CDH13: variants seen among roughly 807,000 people sequenced by gnomAD.
CDH13 encodes the protein cadherin-13.
CDH13 carries 24 observed loss-of-function variants against 63.8 expected under a neutral mutation model. The ratio of observed to expected loss-of-function variants is 0.38; its 90% CI spans 0.27 to 0.53. The LOEUF is 0.53. Ranked by LOEUF, CDH13 falls within the 20% of genes least tolerant of loss-of-function variation. The probability of loss-of-function intolerance (pLI) is 0.85; values close to 1 mark genes in which losing one functional copy is unlikely to be tolerated. For missense variants in CDH13, 1,049 were observed against 903.1 expected, an observed-to-expected ratio of 1.16 and a Z score of -2.07; for synonymous variants, 503 against 355.3, an observed-to-expected ratio of 1.42 and a Z score of -4.67.
chr16:83,207,504 T>A (rs774564774), intron 4 of CDH13, among the ~76,000 whole-genome samples: 1 of 152,194 alleles, frequency 6.6e-6, no homozygotes. Flanking sequence ...TAGGTACACA[T>A]ACACTTTTTT....
chr16:82,671,742 T>C (rs1913267953), intron 1 of CDH13, among the ~76,000 whole-genome samples: 1 of 152,200 alleles, frequency 6.6e-6, no homozygotes, highest in African/African-American at 2.4e-5. Flanking sequence ...GATCCAGATT[T>C]GGTATTCTAA....
At chr16:83,271,725 A>G (rs1017918104) in intron 5 of CDH13, among the ~76,000 whole-genome samples, 2 of 152,278 alleles carry the variant, frequency 1.3e-5, no homozygotes, top group East Asian at 3.9e-4. Flanking sequence ...CTTTCTTTGC[A>G]AAGTCTTTTA....
At chr16:83,460,693 A>C (rs1280897701) in intron 6 of CDH13, among the ~76,000 whole-genome samples, 4 of 152,204 alleles carry the variant, frequency 2.6e-5, no homozygotes, top group Non-Finnish European at 5.9e-5. Flanking sequence ...AATGAATAAT[A>C]GATTTAAAAT....
intron 1 of CDH13, among the ~76,000 whole-genome samples, chr16:82,700,561 A>G (rs2030860574): frequency 6.6e-6 from 1 of 151,482 alleles, no homozygotes; most frequent in Admixed American, 6.6e-5. Context: ...GTGTCTTTCT[A>G]TGTGTAAATG....
intron 4 of CDH13, among the ~76,000 whole-genome samples, chr16:83,202,174 G>A (rs776215171): frequency 9.9e-5 from 15 of 152,120 alleles, no homozygotes; most frequent in South Asian, 4.1e-4. Context: ...CCAGGCTTCC[G>A]AAAGAAATGA....
chr16:83,048,414 C>G (rs931824142), intron 3 of CDH13, among the ~76,000 whole-genome samples: 1 of 152,184 alleles, frequency 6.6e-6, no homozygotes, highest in Non-Finnish European at 1.5e-5. Context: ...GCTCCTGGAC[C>G]TGTGCCAACT....
At chr16:83,443,439 T>C (rs2072542366) in intron 6 of CDH13, among the ~76,000 whole-genome samples, 2 of 152,208 alleles carry the variant, frequency 1.3e-5, no homozygotes, top group Admixed American at 6.5e-5. Context: ...TATACATTTT[T>C]GACCTAAATA....
At chr16:83,172,117 A>G (rs2037944496) in intron 4 of CDH13, among the ~76,000 whole-genome samples, 1 of 152,016 alleles carries the variant, frequency 6.6e-6, no homozygotes, top group African/African-American at 2.4e-5. Flanking sequence ...ATTTGAGTAG[A>G]CCCTAGTATA....
At chr16:83,790,191 C>T (rs2151019395) in intron 13 of CDH13, 1 of 152,250 alleles carries the variant, frequency 6.6e-6, no homozygotes. Flanking sequence ...CAGCATTCAC[C>T]ATTGACTGCC....
chr16:83,401,569 C>T (rs1263393374), intron 6 of CDH13, among the ~76,000 whole-genome samples: 2 of 151,880 alleles, frequency 1.3e-5, no homozygotes, highest in African/African-American at 2.4e-5. Context: ...TCAGCATGCC[C>T]TTTATGAACT....
chr16:83,609,872 T>C (rs1301840299), intron 8 of CDH13, among the ~76,000 whole-genome samples: 1 of 152,208 alleles, frequency 6.6e-6, no homozygotes, highest in Non-Finnish European at 1.5e-5. Flanking sequence ...GAGCAGTTAC[T>C]CCCCATTGCC....
chr16:83,630,943 C>G (rs1598394222), intron 8 of CDH13, among the ~76,000 whole-genome samples: 1 of 152,240 alleles, frequency 6.6e-6, no homozygotes, highest in Non-Finnish European at 1.5e-5. Context: ...ATTTTCCTTT[C>G]ACAATGCCAA....
At chr16:83,742,655 G>A (rs1362815762) in intron 10 of CDH13, among the ~76,000 whole-genome samples, 1 of 152,182 alleles carries the variant, frequency 6.6e-6, no homozygotes, top group African/African-American at 2.4e-5. Flanking sequence ...AAAAGCGCAC[G>A]GAAGCCAGGA....
intron 2 of CDH13, among the ~76,000 whole-genome samples, chr16:82,863,277 G>A (rs1439636190): frequency 6.6e-6 from 1 of 152,184 alleles, no homozygotes; most frequent in Non-Finnish European, 1.5e-5. Flanking sequence ...ACTATGTCCT[G>A]CTTTCCTTAG....
intron 1 of CDH13, among the ~76,000 whole-genome samples, chr16:82,680,505 T>A (rs922967311): frequency 6.6e-6 from 1 of 152,036 alleles, no homozygotes; most frequent in African/African-American, 2.4e-5. Flanking sequence ...CACAGAAGTG[T>A]GGATAGGACA....
chr16:83,161,400 G>A (rs923537262), intron 4 of CDH13, among the ~76,000 whole-genome samples: 1 of 152,080 alleles, frequency 6.6e-6, no homozygotes, highest in Non-Finnish European at 1.5e-5. Context: ...TCAGATTTTT[G>A]TTGTTTTTAA....
At position 83,539,776 on chromosome 16, in the gene CDH13, A is replaced by G. The variant is rs1338205510; in HGVS notation, c.960+53121A>G. On this transcript the variant is annotated intron_variant, in intron 7 of 13. Coordinates refer to ENST00000567109, the MANE Select transcript of CDH13 (RefSeq NM_001257.5). Reference sequence around the variant, plus strand: ...AAGTACCTTGTCCAAGGTCATGCGAATAGGTTAGACTTATTCACTCTGTGT... The same window carrying G: ...AAGTACCTTGTCCAAGGTCATGCGAGTAGGTTAGACTTATTCACTCTGTGT... 3.9e-5 allele frequency among the ~76,000 whole-genome samples: 6 copies of G among 152,324 alleles called. No homozygotes were observed. In the East Asian group the frequency reaches 1.2e-3, roughly 29 times the overall value.
intron 5 of CDH13, among the ~76,000 whole-genome samples, chr16:83,267,958 G>A (rs2088676602): frequency 6.6e-6 from 1 of 152,188 alleles, no homozygotes; most frequent in African/African-American, 2.4e-5. Flanking sequence ...GAAATGAGAT[G>A]ACCATGAATG....
In CDH13 at chr16:82,722,448, T is replaced by C. The variant is rs998466908; in HGVS notation, c.45+95311T>C. On this transcript the variant is annotated intron_variant, in intron 1 of 13. Coordinates refer to ENST00000567109, the MANE Select transcript of CDH13 (RefSeq NM_001257.5). ...AGGGCTGCTATTACTGAACAGTCCTTGCAGAGGGCTGGCAATGATTTGCCC... is the reference window on the plus strand; with the variant it reads ...AGGGCTGCTATTACTGAACAGTCCTCGCAGAGGGCTGGCAATGATTTGCCC... Among the ~76,000 whole-genome samples, 206 of 152,312 alleles carry C rather than the reference T, an allele frequency of 1.4e-3. 1 individual carries two copies. Among genetic ancestry groups the C allele is most frequent in the African/African-American group, 4.6e-3 (192 of 41,564 alleles).
Sources: allele counts gnomAD v4.1 joint callset (sites outside exome capture counted in the v4.1 genomes callset), GRCh38; gene constraint gnomAD v4.1.1; transcripts MANE v1.5; gene names NCBI Gene and HGNC (gene_info 2026-07-23, HGNC 2026-07-21).